FANCI: variants seen among roughly 807,000 people sequenced by gnomAD.
The protein encoded by FANCI is FA complementation group I.
In FANCI, 156 loss-of-function variants were observed where a neutral mutation model predicts 176.1. The observed-to-expected ratio is 0.89, with a 90% CI of 0.78 to 1.01. FANCI has a LOEUF of 1.01. Ranked by LOEUF, FANCI falls within the 50% of genes least tolerant of loss-of-function variation. The pLI is 0.00. For synonymous variants in FANCI, 613 were observed against 541.7 expected, an observed-to-expected ratio of 1.13 and a Z score of -1.83; for missense variants, 1,678 against 1,534.1, an observed-to-expected ratio of 1.09 and a Z score of -1.57.
chr15:89,304,055 C>A (rs758161419), intron 28 of FANCI, 140 bp downstream of exon 28: 35 of 787,364 alleles, frequency 4.4e-5, no homozygotes, highest in South Asian at 4.1e-4. Flanking sequence ...AATACCAAGT[C>A]GAATTGTTGG....
chr15:89,314,339 C>A (rs1460236382), intron 35 of FANCI, among the ~76,000 whole-genome samples: 2 of 152,210 alleles, frequency 1.3e-5, no homozygotes, highest in Non-Finnish European at 2.9e-5. Context: ...AACTAAATTT[C>A]TACAAGTGAT....
chr15:89,307,345 T>C, intron 32 of FANCI, 131 bp from the exon 33 acceptor site: 1 of 835,814 alleles, frequency 1.2e-6, no homozygotes, highest in Non-Finnish European at 2.0e-6. Context: ...GAAGCTTGTG[T>C]CTTGGCTTCT....
chr15:89,259,567 T>TG (rs1405279954), intron 3 of FANCI, among the ~76,000 whole-genome samples: 1 of 152,210 alleles, frequency 6.6e-6, no homozygotes, highest in Non-Finnish European at 1.5e-5. Context: ...TATTCAGAGT[T>TG]GTGTATCCAT....
intron 23 of FANCI, among the ~76,000 whole-genome samples, chr15:89,294,411 C>T (rs1445340256): frequency 1.3e-5 from 2 of 151,924 alleles, no homozygotes; most frequent in Non-Finnish European, 2.9e-5. Flanking sequence ...TATGGTGCGA[C>T]CTCATCTCTA....
At position 89,266,556 on chromosome 15, in the gene FANCI, T is replaced by G. The variant is rs188263039; in HGVS notation, c.756-1843T>G. 3.7e-3 allele frequency among the ~76,000 whole-genome samples: 562 copies of G among 152,190 alleles called. 1 individual carries two copies. The highest frequency in any genetic ancestry group is 6.1e-3 in the Non-Finnish European group (414 of 67,998). ...ATTGGCCAGGCTGGTCTCGAACTCC[T>G]GACCTCAAGTGATCCGCCTACCTTG... On this transcript the variant is annotated intron_variant, in intron 9 of 37. Coordinates refer to ENST00000310775, the MANE Select transcript of FANCI (RefSeq NM_001113378.2).
At chr15:89,277,924 C>G (rs1441424339) in intron 13 of FANCI, among the ~76,000 whole-genome samples, 1 of 152,104 alleles carries the variant, frequency 6.6e-6, no homozygotes, top group African/African-American at 2.4e-5. Flanking sequence ...ATCTAGTGTT[C>G]TAATCCAGAA....
chr15:89,254,645 A>C (rs903105692), intron 2 of FANCI, among the ~76,000 whole-genome samples: 2 of 152,216 alleles, frequency 1.3e-5, no homozygotes, highest in Non-Finnish European at 2.9e-5. Flanking sequence ...CTCTACAAAA[A>C]AATAATTTAA....
intron 6 of FANCI, among the ~76,000 whole-genome samples, 199 bp from the exon 7 acceptor site, chr15:89,263,220 A>G (rs2052789867): frequency 6.6e-6 from 1 of 152,226 alleles, no homozygotes; most frequent in African/African-American, 2.4e-5. Context: ...AACATTGGGT[A>G]TCATCAGAAT....
Position 89,294,708 on chromosome 15 carries a change from T to C in FANCI, c.2457-207T>C, listed in dbSNP as rs569190084. ...AAAGGATTTGGGGAGGGAGAGAAAA[T>C]GAGGAACCACTAAGAATAACGATTA... On this transcript the variant is annotated intron_variant, in intron 23 of 37. Coordinates refer to ENST00000310775, the MANE Select transcript of FANCI (RefSeq NM_001113378.2). 8.6e-5 allele frequency among the ~76,000 whole-genome samples: 13 copies of C among 151,772 alleles called. No individual in the cohort carries two copies. The East Asian group carries it at 2.5e-3, about 29-fold the overall frequency.
At chr15:89,279,710 A>G (rs898967192) in intron 14 of FANCI, among the ~76,000 whole-genome samples, 1 of 152,148 alleles carries the variant, frequency 6.6e-6, no homozygotes, top group Non-Finnish European at 1.5e-5. Flanking sequence ...TATTTGAAGC[A>G]TGGTTCTCCA....
At chr15:89,306,369 C>G (rs938016872) in intron 32 of FANCI, among the ~76,000 whole-genome samples, 175 bp downstream of exon 32, 5 of 152,058 alleles carry the variant, frequency 3.3e-5, no homozygotes, top group African/African-American at 1.2e-4. Context: ...GGCATCTCCA[C>G]AGGCCAGGGA....
intron 23 of FANCI, among the ~76,000 whole-genome samples, chr15:89,294,282 CA>C (rs1299138183): frequency 2.0e-5 from 3 of 152,132 alleles, no homozygotes; most frequent in African/African-American, 7.2e-5. Flanking sequence ...TACAAGATAA[CA>C]GATATAAAAA....
intron 2 of FANCI, among the ~76,000 whole-genome samples, chr15:89,252,953 C>A (rs926578028): frequency 2.6e-5 from 4 of 152,072 alleles, no homozygotes; most frequent in Non-Finnish European, 4.4e-5. Context: ...AAGTTGACTG[C>A]AAAATTCATA....
intron 24 of FANCI, among the ~76,000 whole-genome samples, chr15:89,295,692 T>C (rs2151765216): frequency 6.6e-6 from 1 of 151,360 alleles, no homozygotes; most frequent in South Asian, 2.1e-4. Flanking sequence ...AGTGCAGTCA[T>C]TGACATAGGG....
At position 89,281,220 on chromosome 15, in the gene FANCI, T is replaced by C; in HGVS notation, c.1432T>C (p.Ser478Pro). 1 of 1,613,924 alleles carries C rather than the reference T, an allele frequency of 6.2e-7. No individual in the cohort carries two copies. Among genetic ancestry groups the C allele is most frequent in the Non-Finnish European group, 8.5e-7 (1 of 1,179,854 alleles). Reference sequence around the variant, plus strand: ...TGCACCCTTAGTTCTTCAAAGTTGTTCTTCTAAAGTCACAGAAGCTTTTGA... The same window carrying C: ...TGCACCCTTAGTTCTTCAAAGTTGTCCTTCTAAAGTCACAGAAGCTTTTGA... ...MYAPLVLQSC[S>P]SKVTEAFDYL... is the part of the protein sequence containing the mutation. The change falls in exon 15 of 38, where the codon TCT becomes CCT. Residue 478 changes from serine (S) to proline (P), a missense_variant. By Grantham distance (74) the Ser-to-Pro change is moderately conservative. This residue lies in a region of FANCI where 1,204 missense variants were observed against 1,077.4 expected (regional missense o/e 1.12). Transcript: ENST00000310775.
chr15:89,246,590 G>A (rs1350887060), intron 1 of FANCI, among the ~76,000 whole-genome samples: 2 of 151,904 alleles, frequency 1.3e-5, no homozygotes, highest in African/African-American at 4.8e-5. Context: ...GAATGCCTTT[G>A]TTCATGATAC....
At position 89,276,717 on chromosome 15, in the gene FANCI, T is replaced by C. The variant is rs1252228926; in HGVS notation, c.1119T>C (p.His373=). The part of the protein sequence containing the change: ...MILEVVKNSV[H]SWDHVTQGLV... ...AAGCTTTGTGTTCTTGTAGCGTTCA[T>C]AGCTGGGACCATGTTACTCAGGGCC... The change falls in exon 13 of 38, where the codon CAT becomes CAC. Residue 373 remains histidine (H), a synonymous_variant. Coordinates refer to ENST00000310775, the MANE Select transcript of FANCI (RefSeq NM_001113378.2). 3.1e-6 allele frequency: 5 copies of C among 1,614,086 alleles called. No individual in the cohort carries two copies. The highest frequency in any genetic ancestry group is 2.2e-5 in the South Asian group (2 of 91,094).
intron 3 of FANCI, among the ~76,000 whole-genome samples, chr15:89,259,807 T>C (rs2052640538): frequency 6.6e-6 from 1 of 152,246 alleles, no homozygotes; most frequent in Non-Finnish European, 1.5e-5. Flanking sequence ...TCCTCTATGT[T>C]GTAATATGTA....
chr15:89,315,032 C>T (rs2055166219), intron 36 of FANCI, among the ~76,000 whole-genome samples: 1 of 152,114 alleles, frequency 6.6e-6, no homozygotes, highest in South Asian at 2.1e-4. Flanking sequence ...TGGTCTCAAA[C>T]TCCTGGCCTG....
Sources: allele counts gnomAD v4.1 joint callset (sites outside exome capture counted in the v4.1 genomes callset), GRCh38; gene constraint gnomAD v4.1.1; regional missense constraint gnomAD v4.1.1; transcripts MANE v1.5; gene names NCBI Gene and HGNC (gene_info 2026-07-23, HGNC 2026-07-21).